ABCC8: variants seen among roughly 807,000 people sequenced by gnomAD.
The protein encoded by ABCC8 is ATP-binding cassette sub-family C member 8.
In ABCC8, 137 loss-of-function variants were observed where a neutral mutation model predicts 188.0. That is an observed-to-expected ratio of 0.73 (90% CI 0.63 to 0.84). The LOEUF is 0.84. Among genes scored for constraint, ABCC8 ranks in the 40% least tolerant of loss-of-function variants. ABCC8 has a pLI of 0.00. For missense variants in ABCC8, 1,750 were observed against 2,072.7 expected (o/e 0.84, Z 3.02); for synonymous variants, 797 against 846.5 (o/e 0.94, Z 1.01).
intron 31 of ABCC8, 171 bp downstream of exon 31, chr11:17,397,513 G>GCCTGGGC (rs1212652418): frequency 4.2e-6 from 6 of 1,414,466 alleles, no homozygotes; most frequent in Non-Finnish European, 5.8e-6. Flanking sequence ...CCTGTCTGGG[G>GCCTGGGC]CCTGGGCCCT....
chr11:17,408,359 G>A (rs1223779802), intron 23 of ABCC8, 33 bp downstream of exon 23: 3 of 1,594,470 alleles, frequency 1.9e-6, no homozygotes, highest in Non-Finnish European at 1.7e-6. Context: ...TGCATCCAGG[G>A]GTGGCTGCTT....
At chr11:17,454,772 G>A (rs1338573192) in intron 6 of ABCC8, among the ~76,000 whole-genome samples, 1 of 152,122 alleles carries the variant, frequency 6.6e-6, no homozygotes, top group African/African-American at 2.4e-5. Flanking sequence ...GCTGGTAAGG[G>A]GACAACATGT....
chr11:17,405,366 G>C (rs765114769), intron 27 of ABCC8, 128 bp downstream of exon 27: 6 of 1,436,988 alleles, frequency 4.2e-6, no homozygotes, highest in Non-Finnish European at 5.8e-6. Context: ...TAATCGGATC[G>C]GGGACACTGG....
intron 7 of ABCC8, among the ~76,000 whole-genome samples, chr11:17,450,315 TTTC>T (rs1491320807): frequency 7.6e-6 from 1 of 131,628 alleles, no homozygotes; most frequent in Non-Finnish European, 1.6e-5. Context: ...TCTTTCTTTC[TTTC>T]TTTCTTTCTC....
intron 7 of ABCC8, among the ~76,000 whole-genome samples, chr11:17,451,566 T>G (rs1237889726): frequency 2.0e-5 from 3 of 152,230 alleles, no homozygotes; most frequent in Non-Finnish European, 4.4e-5. Flanking sequence ...ATCCTTGTCC[T>G]CTCGGTCCCT....
At chr11:17,406,812 G>A in intron 25 of ABCC8, 24 bp from the exon 26 acceptor site, 3 of 1,614,176 alleles carry the variant, frequency 1.9e-6, no homozygotes, top group Non-Finnish European at 2.5e-6. Context: ...GAGTGATTTG[G>A]AGTTCCAGGG....
Position 17,461,674 on chromosome 11 carries a change from G to C in ABCC8, c.731C>G (p.Pro244Arg), listed in dbSNP as rs1369902878. The C allele has an allele frequency of 1.2e-6, 2 of 1,614,228 alleles. No individual in the cohort carries two copies. The highest frequency in any genetic ancestry group is 1.1e-5 in the South Asian group (1 of 91,084). Residue 244 changes from proline (P) to arginine (R), a missense_variant, in exon 5 of 39, where the codon CCC becomes CGC. Physicochemically the swap from Pro to Arg is moderately radical, Grantham distance 103. Transcript: ENST00000389817. ...NAFIKTAHKK[P>R]IDLRAIGKLP... ...CTTCCCGATGGCTCGCAAGTCGATG[G>C]GCTTCTTGTGGGCAGTCTTGATGAA...
Position 17,406,780 on chromosome 11 carries a change from G to A in ABCC8, c.3171C>T (p.Thr1057=), listed in dbSNP as rs1251688793. Residue 1057 remains threonine, a synonymous_variant, in exon 26 of 39, where the codon ACC becomes ACT. Transcript: ENST00000389817. Reference sequence around the variant, plus strand: ...CCATGGCATAGACAGTCTGGTCGAGGGTGCACTCCTTCACAGGCAGAGAGT... The same window carrying A: ...CCATGGCATAGACAGTCTGGTCGAGAGTGCACTCCTTCACAGGCAGAGAGT... ...ARNCSLSQEC[T]LDQTVYAMVF... The A allele has an allele frequency of 6.2e-7, 1 of 1,614,226 alleles. No homozygotes were observed. The highest frequency in any genetic ancestry group is 8.5e-7 in the Non-Finnish European group (1 of 1,180,042).
intron 38 of ABCC8, 50 bp downstream of exon 38, chr11:17,393,647 C>G: frequency 6.2e-7 from 1 of 1,612,914 alleles, no homozygotes; most frequent in African/African-American, 1.3e-5. Flanking sequence ...CCACAACAGG[C>G]CAGTCCTGTC....
intron 8 of ABCC8, among the ~76,000 whole-genome samples, chr11:17,447,848 T>G (rs1012558405): frequency 9.9e-5 from 15 of 152,208 alleles, no homozygotes; most frequent in African/African-American, 3.4e-4. Flanking sequence ...TACACGCTTA[T>G]TAGAGAATTT....
chr11:17,440,652 G>A (rs1183280985), intron 10 of ABCC8, among the ~76,000 whole-genome samples: 1 of 152,260 alleles, frequency 6.6e-6, no homozygotes, highest in Admixed American at 6.5e-5. Flanking sequence ...AGGACTTTCT[G>A]CATAAAACGC....
intron 3 of ABCC8, among the ~76,000 whole-genome samples, chr11:17,466,941 C>G (rs999055213): frequency 2.0e-5 from 3 of 152,062 alleles, no homozygotes; most frequent in African/African-American, 7.2e-5. Flanking sequence ...GCTGGGATTA[C>G]AGGCATGAGC....
At position 17,473,943 on chromosome 11, in the gene ABCC8, G is replaced by A. The variant is rs888846074; in HGVS notation, c.290+943C>T. ...TGGGTTCCCAGCCTCAGCCTCCATCGCTCCCCAGCCTGTGTTTAATGCTCC... is the reference window on the plus strand; with the variant it reads ...TGGGTTCCCAGCCTCAGCCTCCATCACTCCCCAGCCTGTGTTTAATGCTCC... On this transcript the variant is annotated intron_variant, in intron 2 of 38. Coordinates refer to ENST00000389817, the MANE Select transcript of ABCC8 (RefSeq NM_000352.6). Among the ~76,000 whole-genome samples the A allele has an allele frequency of 6.4e-4, 98 of 152,176 alleles. 1 individual carries two copies. Among genetic ancestry groups the A allele is most frequent in the Middle Eastern group, 3.4e-3 (1 of 292 alleles).
intron 3 of ABCC8, among the ~76,000 whole-genome samples, chr11:17,463,842 C>A (rs1226440278): frequency 4.6e-5 from 7 of 152,164 alleles, no homozygotes; most frequent in African/African-American, 1.7e-4. Flanking sequence ...ACTGGTCAGA[C>A]AAATGTCCCT....
In ABCC8 at chr11:17,430,659, T is replaced by C. The variant is rs925055170; in HGVS notation, c.1817+155A>G. Reference sequence around the variant, plus strand: ...CGAGCTGGGAAACCATACAGGCCAATGTCCCTCTGACCAACCAGGACCAGC... The same window carrying C: ...CGAGCTGGGAAACCATACAGGCCAACGTCCCTCTGACCAACCAGGACCAGC... On this transcript the variant is annotated intron_variant, in intron 12 of 38. Coordinates refer to ENST00000389817, the MANE Select transcript of ABCC8 (RefSeq NM_000352.6). 2.5e-5 allele frequency: 22 copies of C among 895,022 alleles called. No homozygotes were observed. In the African/African-American group the frequency reaches 3.6e-4, roughly 15 times the overall value. 55.4% of individuals were successfully genotyped at this position (895,022 alleles called of 1,614,324 possible).
intron 2 of ABCC8, among the ~76,000 whole-genome samples, chr11:17,473,274 G>A (rs1328825188): frequency 6.6e-6 from 1 of 152,032 alleles, no homozygotes; most frequent in African/African-American, 2.4e-5. Context: ...GTGTAGGGGT[G>A]GGGGTGGAGG....
chr11:17,433,777 AGCCCTCGTATGGCTGGG>A, intron 10 of ABCC8, among the ~76,000 whole-genome samples: 1 of 152,312 alleles, frequency 6.6e-6, no homozygotes, highest in Admixed American at 6.5e-5. Context: ...GTATGGCTGG[AGCCCTCGTATGGCTGGG>A]GCCCTGGCAG....
intron 29 of ABCC8, among the ~76,000 whole-genome samples, chr11:17,402,128 G>C (rs1954275886): frequency 6.6e-6 from 1 of 152,188 alleles, no homozygotes; most frequent in African/African-American, 2.4e-5. Flanking sequence ...CTTAGTAAAT[G>C]TTTGTTGCAT....
intron 17 of ABCC8, among the ~76,000 whole-genome samples, chr11:17,415,857 C>A (rs1386775756): frequency 3.3e-5 from 5 of 152,196 alleles, no homozygotes. Context: ...TGATCTGCAG[C>A]CCCATATGGC....
Sources: gnomAD v4.1 joint callset for allele counts (sites outside exome capture counted in the v4.1 genomes callset) on GRCh38, gnomAD v4.1.1 for gene constraint, MANE v1.5 for transcripts, NCBI Gene and HGNC (gene_info 2026-07-23, HGNC 2026-07-21) for gene names.